Variants in GALNT14 observed in about 807,000 individuals in gnomAD.
GALNT14 encodes the protein polypeptide N-acetylgalactosaminyltransferase 14.
In GALNT14, 60 loss-of-function variants were observed where a neutral mutation model predicts 77.5. The ratio of observed to expected loss-of-function variants is 0.77; its 90% CI spans 0.63 to 0.96. The LOEUF (loss-of-function observed/expected upper bound fraction) is 0.96. GALNT14 is among the 40% of genes least tolerant of loss of function. GALNT14 has a pLI of 0.00. For missense variants in GALNT14, 710 were observed against 731.0 expected (o/e 0.97, Z 0.33); for synonymous variants, 280 against 281.7 (o/e 0.99, Z 0.06).
Position 30,977,813 on chromosome 2 carries a change from C to G in GALNT14, c.300-11511G>C, listed in dbSNP as rs548570598. Among the ~76,000 whole-genome samples, 26 of 152,256 alleles carry G rather than the reference C, an allele frequency of 1.7e-4. No homozygotes were observed. In the South Asian group the frequency reaches 5.0e-3, roughly 29 times the overall value. On this transcript the variant is annotated intron_variant, in intron 2 of 14. Transcript: ENST00000349752. ...ATACCTTCCTGCACCTTCGTACAGT[C>G]AATCCACCCCTGAGCCAATACTGCA...
intron 1 of GALNT14, among the ~76,000 whole-genome samples, chr2:31,038,633 G>A (rs73921411): frequency 0.017 from 2,601 of 152,214 alleles, 70 homozygotes; most frequent in African/African-American, 0.06. Flanking sequence ...GATTTTCACA[G>A]CTATTGTTGT....
At chr2:31,116,341 A>G (rs1053731228) in intron 1 of GALNT14, among the ~76,000 whole-genome samples, 3 of 152,146 alleles carry the variant, frequency 2.0e-5, no homozygotes, top group African/African-American at 7.2e-5. Context: ...TAAAATACAA[A>G]CATTATCAGA....
At chr2:30,989,677 T>A in intron 2 of GALNT14, among the ~76,000 whole-genome samples, 1 of 113,438 alleles carries the variant, frequency 8.8e-6, no homozygotes. Flanking sequence ...TTAGTATATA[T>A]AAAAAATATA....
intron 1 of GALNT14, among the ~76,000 whole-genome samples, chr2:31,133,850 T>C (rs922542446): frequency 2.2e-5 from 3 of 137,576 alleles, no homozygotes; most frequent in Non-Finnish European, 3.2e-5. Context: ...TGCTGGATAA[T>C]TGGGGGGGAG....
intron 1 of GALNT14, among the ~76,000 whole-genome samples, chr2:31,057,409 G>T (rs1674302663): frequency 8.0e-6 from 1 of 125,082 alleles, no homozygotes; most frequent in Admixed American, 8.4e-5. Context: ...GCTGTTGCAG[G>T]TATATATATA....
chr2:30,960,284 C>A (rs974006402), intron 3 of GALNT14, among the ~76,000 whole-genome samples: 5 of 152,134 alleles, frequency 3.3e-5, no homozygotes, highest in African/African-American at 9.7e-5. Flanking sequence ...CAGGAGACAG[C>A]GGAAAACCTG....
chr2:31,105,766 A>G (rs1677524089), intron 1 of GALNT14, among the ~76,000 whole-genome samples: 1 of 152,130 alleles, frequency 6.6e-6, no homozygotes, highest in Admixed American at 6.6e-5. Flanking sequence ...AGGTCTGAGT[A>G]CTCACCATGC....
chr2:31,036,404 C>G (rs757252839), intron 1 of GALNT14, among the ~76,000 whole-genome samples: 7 of 152,146 alleles, frequency 4.6e-5, no homozygotes, highest in Non-Finnish European at 8.8e-5. Context: ...TTCCTCATAC[C>G]TCTTTTCCCT....
In GALNT14 at chr2:31,045,585, C is replaced by T. The variant is rs528002072; in HGVS notation, c.130-52578G>A. On this transcript the variant is annotated intron_variant, in intron 1 of 14. Transcript: ENST00000349752. ...TCAAGCAATTCTCCTGCTTCAGCCTCCCAGGTAGCTAGGATTACAGGCACC... is the reference window on the plus strand; with the variant it reads ...TCAAGCAATTCTCCTGCTTCAGCCTTCCAGGTAGCTAGGATTACAGGCACC... Among the ~76,000 whole-genome samples, 79 of 152,220 alleles carry T rather than the reference C, an allele frequency of 5.2e-4. 1 individual carries two copies. The highest frequency in any genetic ancestry group is 1.8e-3 in the African/African-American group (76 of 41,518).
At chr2:31,068,803 A>C (rs1383387643) in intron 1 of GALNT14, among the ~76,000 whole-genome samples, 1 of 152,256 alleles carries the variant, frequency 6.6e-6, no homozygotes, top group Non-Finnish European at 1.5e-5. Flanking sequence ...ATACAATGGA[A>C]TAATATTTGC....
downstream of GALNT14, among the ~76,000 whole-genome samples, chr2:30,908,286 T>C (rs1326012917): frequency 1.3e-5 from 2 of 152,200 alleles, no homozygotes; most frequent in Non-Finnish European, 2.9e-5. Context: ...TGTTTGCAGA[T>C]GACATGATTG....
intron 1 of GALNT14, among the ~76,000 whole-genome samples, chr2:31,004,387 G>A (rs1670546753): frequency 6.6e-6 from 1 of 152,226 alleles, no homozygotes; most frequent in South Asian, 2.1e-4. Context: ...ACCCAGGAGA[G>A]TCCAAGGGGA....
intron 1 of GALNT14, among the ~76,000 whole-genome samples, chr2:31,072,813 T>G (rs910282967): frequency 1.2e-4 from 19 of 152,184 alleles, no homozygotes; most frequent in African/African-American, 4.6e-4. Context: ...GCTCCTTCCA[T>G]GACATGTGAC....
At chr2:30,904,942 C>A in the GALNT14 span, among the ~76,000 whole-genome samples, 1 of 151,982 alleles carries the variant, frequency 6.6e-6, no homozygotes. Flanking sequence ...CACCCCCCAG[C>A]AGGGGCACAC....
chr2:31,066,235 C>T (rs142606785), intron 1 of GALNT14, among the ~76,000 whole-genome samples: 30 of 152,198 alleles, frequency 2.0e-4, no homozygotes, highest in South Asian at 6.2e-4. Context: ...GGTTGTAGGC[C>T]CCCCCAGAGG....
chr2:31,004,096 T>G (rs1352787644), intron 1 of GALNT14, among the ~76,000 whole-genome samples: 13 of 152,224 alleles, frequency 8.5e-5, no homozygotes, highest in Admixed American at 7.2e-4. Context: ...ACATGAGGAC[T>G]GAGAGAGCTG....
chr2:31,000,255 A>G (rs1007483788), intron 1 of GALNT14, among the ~76,000 whole-genome samples: 3 of 152,174 alleles, frequency 2.0e-5, no homozygotes, highest in African/African-American at 4.8e-5. Context: ...GCTCCACTTC[A>G]TCCTCAGGCA....
Position 31,090,989 on chromosome 2 carries a change from C to T in GALNT14, c.129+46969G>A, listed in dbSNP as rs1368247534. The stretch of plus-strand genomic sequence containing the variant: ...CTCAAAAATATTTTCACTTTTAAAC[C>T]GACCCTCTGATGTGTCCTTTTCCTC... On this transcript the variant is annotated intron_variant, in intron 1 of 14. Coordinates refer to ENST00000349752, the MANE Select transcript of GALNT14 (RefSeq NM_024572.4). Among the ~76,000 whole-genome samples, 5 of 152,016 alleles carry T rather than the reference C, an allele frequency of 3.3e-5. No individual in the cohort carries two copies. In the East Asian group the frequency reaches 7.7e-4, roughly 24 times the overall value.
At chr2:30,988,791 C>G (rs61702987) in intron 2 of GALNT14, among the ~76,000 whole-genome samples, 3 of 152,128 alleles carry the variant, frequency 2.0e-5, no homozygotes, top group African/African-American at 7.2e-5. Flanking sequence ...ACTCCACCCC[C>G]AGAGTTTCTG....
Sources: allele counts gnomAD v4.1 joint callset (sites outside exome capture counted in the v4.1 genomes callset), GRCh38; gene constraint gnomAD v4.1.1; transcripts MANE v1.5; gene names NCBI Gene and HGNC (gene_info 2026-07-23, HGNC 2026-07-21).